Variants in ARHGAP42 observed in about 807,000 individuals in gnomAD.
The protein encoded by ARHGAP42 is Rho GTPase activating protein 42.
In ARHGAP42, 63 loss-of-function variants were observed where a neutral mutation model predicts 125.0. That is an observed-to-expected ratio of 0.50 (90% CI 0.41 to 0.62). ARHGAP42 has a LOEUF of 0.62. Ranked by LOEUF, ARHGAP42 falls within the 20% of genes least tolerant of loss-of-function variation. The pLI, the probability that ARHGAP42 is intolerant of heterozygous loss-of-function variation, is 0.00. For missense variants in ARHGAP42, 766 were observed against 1,024.2 expected (o/e 0.75, Z 3.44); for synonymous variants, 339 against 351.0 (o/e 0.97, Z 0.38).
At position 100,898,941 on chromosome 11, in the gene ARHGAP42, C is replaced by T. The variant is rs772707776; in HGVS notation, c.385-14511C>T. ...TCTTTTAATTGTGATGTTAGGGTGT[C>T]GATTTTTGATCTTTCCTGCTTTGTC... On this transcript the variant is annotated intron_variant, in intron 4 of 23. Transcript: ENST00000298815. 3.4e-4 allele frequency among the ~76,000 whole-genome samples: 51 copies of T among 152,034 alleles called. 1 individual carries two copies. The highest frequency in any genetic ancestry group is 5.4e-4 in the Non-Finnish European group (37 of 68,008).
intron 1 of ARHGAP42, among the ~76,000 whole-genome samples, chr11:100,747,884 C>T (rs966013212): frequency 1.3e-5 from 2 of 152,098 alleles, no homozygotes; most frequent in African/African-American, 2.4e-5. Context: ...AACTTTCTGA[C>T]TTGTTGCAAA....
intron 1 of ARHGAP42, among the ~76,000 whole-genome samples, chr11:100,689,695 C>A (rs1299299077): frequency 1.3e-5 from 2 of 152,126 alleles, no homozygotes; most frequent in Admixed American, 1.3e-4. Context: ...AATTATACAA[C>A]CTGCTATCTT....
At chr11:100,825,494 A>G (rs1189116978) in intron 3 of ARHGAP42, among the ~76,000 whole-genome samples, 8 of 152,248 alleles carry the variant, frequency 5.3e-5, no homozygotes, top group Non-Finnish European at 1.2e-4. Flanking sequence ...GATTTTTATT[A>G]TACCAGAATA....
intron 4 of ARHGAP42, among the ~76,000 whole-genome samples, chr11:100,884,262 C>A (rs115081000): frequency 6.6e-6 from 1 of 152,124 alleles, no homozygotes; most frequent in African/African-American, 2.4e-5. Context: ...GCAACCACAG[C>A]AATTTAAAAA....
intron 1 of ARHGAP42, among the ~76,000 whole-genome samples, chr11:100,718,570 C>T (rs756470078): frequency 6.6e-6 from 1 of 152,024 alleles, no homozygotes; most frequent in Non-Finnish European, 1.5e-5. Context: ...TCAAACACAC[C>T]ACGAATAGAA....
At chr11:100,758,094 T>C (rs1862617207) in intron 1 of ARHGAP42, among the ~76,000 whole-genome samples, 1 of 152,156 alleles carries the variant, frequency 6.6e-6, no homozygotes, top group Non-Finnish European at 1.5e-5. Flanking sequence ...AAAAATATAA[T>C]AGTGAAGACC....
chr11:100,933,884 T>C (rs1867653921), intron 7 of ARHGAP42, among the ~76,000 whole-genome samples: 1 of 151,858 alleles, frequency 6.6e-6, no homozygotes, highest in Non-Finnish European at 1.5e-5. Context: ...ACCTCCTGGG[T>C]TCAAGCAATT....
At position 100,871,965 on chromosome 11, in the gene ARHGAP42, A is replaced by C. The variant is rs560833476; in HGVS notation, c.384+12340A>C. On this transcript the variant is annotated intron_variant, in intron 4 of 23. Coordinates refer to ENST00000298815, the MANE Select transcript of ARHGAP42 (RefSeq NM_152432.4). ...TCCATGTTGGTCAGGCTGGTCTCGA[A>C]CTCCTGACCTCGGGTGATCCGCCCA... Among the ~76,000 whole-genome samples the C allele has an allele frequency of 2.4e-3, 372 of 152,210 alleles. 1 individual carries two copies. Among genetic ancestry groups the C allele is most frequent in the African/African-American group, 8.3e-3 (345 of 41,550 alleles).
At chr11:100,850,588 A>C (rs1591236824) in intron 3 of ARHGAP42, among the ~76,000 whole-genome samples, 1 of 152,314 alleles carries the variant, frequency 6.6e-6, no homozygotes, top group Non-Finnish European at 1.5e-5. Context: ...TATATTAAAC[A>C]ACAAATAGTG....
intron 6 of ARHGAP42, among the ~76,000 whole-genome samples, chr11:100,926,172 CCTA>C (rs1867416872): frequency 6.6e-6 from 1 of 152,130 alleles, no homozygotes; most frequent in African/African-American, 2.4e-5. Flanking sequence ...GTCCTTTGAG[CCTA>C]CTTAGTTGGA....
intron 12 of ARHGAP42, among the ~76,000 whole-genome samples, chr11:100,951,019 C>T (rs1857635960): frequency 6.6e-6 from 1 of 151,646 alleles, no homozygotes; most frequent in Admixed American, 6.6e-5. Context: ...CCTGGCCAAC[C>T]CTGACATTTA....
chr11:100,943,729 G>A (rs1027963591), intron 9 of ARHGAP42, 30 bp from the exon 10 acceptor site: 76 of 1,413,702 alleles, frequency 5.4e-5, no homozygotes, highest in Non-Finnish European at 7.3e-5. Context: ...TTGTCAGCAT[G>A]TTAATACTGT....
intron 1 of ARHGAP42, among the ~76,000 whole-genome samples, chr11:100,764,962 C>G (rs939853478): frequency 1.3e-5 from 2 of 151,964 alleles, no homozygotes; most frequent in African/African-American, 4.8e-5. Flanking sequence ...TGAAAGGGGT[C>G]AGAAAGAGCT....
chr11:100,854,229 A>G (rs755079915), intron 3 of ARHGAP42, among the ~76,000 whole-genome samples: 63 of 152,158 alleles, frequency 4.1e-4, no homozygotes, highest in Non-Finnish European at 6.2e-4. Context: ...ATATAGCACA[A>G]TTCTCCAGAA....
rs1221472321 is a variant in ARHGAP42, at chr11:100,961,779, T to C, written c.1385+11T>C. 1.3e-6 allele frequency: 2 copies of C among 1,546,454 alleles called. No homozygotes were observed. The highest frequency in any genetic ancestry group is 2.0e-5 in the Admixed American group (1 of 50,890). On this transcript the variant is annotated intron_variant, in intron 15 of 23. Coordinates refer to ENST00000298815, the MANE Select transcript of ARHGAP42 (RefSeq NM_152432.4). ...GAAAAACTACCTCAGGTGAGGAGGG[T>C]TTAACTCCTGGTACTCTGGATGTAA...
chr11:100,795,115 A>G lies in ARHGAP42; in HGVS notation c.261A>G (p.Leu87=), dbSNP rs555304524. The part of the protein sequence containing the change: ...TDDEISIAQS[L]KEFARLLIAV... ...TATCTTTCCAAACAGCTCAGTCACTAAAAGAATTTGCAAGACTACTCATTG... is the reference window on the plus strand; with the variant it reads ...TATCTTTCCAAACAGCTCAGTCACTGAAAGAATTTGCAAGACTACTCATTG... Residue 87 remains leucine (L), a synonymous_variant, in exon 3 of 24, where the codon CTA becomes CTG. Coordinates refer to ENST00000298815, the MANE Select transcript of ARHGAP42 (RefSeq NM_152432.4). The G allele has an allele frequency of 3.2e-6, 5 of 1,546,716 alleles. No individual in the cohort carries two copies. The highest frequency in any genetic ancestry group is 4.0e-5 in the Admixed American group (2 of 50,430).
In ARHGAP42 at chr11:100,702,560, G is replaced by A. The variant is rs548659479; in HGVS notation, c.154+14728G>A. ...CGATGCAGTGTTGTAAAAAACCTTC[G>A]ATTTGTAAAAAAAAAAAAAACTGCA... On this transcript the variant is annotated intron_variant, in intron 1 of 23. Coordinates refer to ENST00000298815, the MANE Select transcript of ARHGAP42 (RefSeq NM_152432.4). Among the ~76,000 whole-genome samples the A allele has an allele frequency of 3.7e-5, 5 of 135,822 alleles. No individual in the cohort carries two copies. The East Asian group carries it at 8.3e-4, about 23-fold the overall frequency. 89.1% of individuals were successfully genotyped at this position (135,822 alleles called of 152,430 possible).
At chr11:100,849,119 T>C (rs1865141401) in intron 3 of ARHGAP42, among the ~76,000 whole-genome samples, 1 of 152,220 alleles carries the variant, frequency 6.6e-6, no homozygotes, top group African/African-American at 2.4e-5. Flanking sequence ...ATTAAATGAT[T>C]GTATTTTCTG....
At chr11:100,918,387 T>G (rs1007569994) in intron 5 of ARHGAP42, among the ~76,000 whole-genome samples, 1 of 152,228 alleles carries the variant, frequency 6.6e-6, no homozygotes, top group Admixed American at 6.5e-5. Flanking sequence ...CAATAAGCTA[T>G]CTGCAGAACC....
Sources: gnomAD v4.1 joint callset for allele counts (sites outside exome capture counted in the v4.1 genomes callset) on GRCh38, gnomAD v4.1.1 for gene constraint, MANE v1.5 for transcripts, NCBI Gene and HGNC (gene_info 2026-07-23, HGNC 2026-07-21) for gene names.